IL18BP: variants seen among roughly 807,000 people sequenced by gnomAD.
IL18BP encodes the protein interleukin 18 binding protein, also known as interleukin-18-binding protein.
IL18BP carries 23 observed loss-of-function variants against 19.9 expected under a neutral mutation model. The observed-to-expected ratio is 1.15, with a 90% CI of 0.83 to 1.64. The LOEUF (loss-of-function observed/expected upper bound fraction) is 1.64. Among genes scored for constraint, IL18BP ranks in the 40% most tolerant of loss-of-function variants. The pLI is 0.00. For missense variants in IL18BP, 239 were observed against 240.7 expected (o/e 0.99, Z 0.05); for synonymous variants, 107 against 101.0 (o/e 1.06, Z -0.35).
downstream of IL18BP, chr11:72,007,045 C>A (rs986057431): frequency 3.1e-6 from 3 of 954,000 alleles, no homozygotes; most frequent in Non-Finnish European, 4.6e-6. Flanking sequence ...AAGTCACTGC[C>A]CTTTTTAAGA....
At chr11:72,008,177 A>G (rs1253939394), downstream of IL18BP, 1 of 472,904 alleles carries the variant, frequency 2.1e-6, no homozygotes, top group Non-Finnish European at 4.2e-6. Flanking sequence ...TAAGTGTTTA[A>G]TAAAAACATT....
downstream of IL18BP, chr11:72,004,059 G>T: frequency 6.2e-7 from 1 of 1,613,610 alleles, no homozygotes; most frequent in Non-Finnish European, 8.5e-7. Flanking sequence ...CTTCTTGGGT[G>T]TGTTGAGGAT....
In IL18BP at chr11:72,001,398, G is replaced by A. The variant is rs755392275; in HGVS notation, c.360-7G>A. On this transcript the variant is annotated splice_region_variant and splice_polypyrimidine_tract_variant and intron_variant, in intron 4 of 5. Transcript: ENST00000393703. Reference sequence around the variant, plus strand: ...TTCTCATGACCTTTCCTTCCCTTCCGCTCCAGCCGGGAACGTGGGAGCACA... The same window carrying A: ...TTCTCATGACCTTTCCTTCCCTTCCACTCCAGCCGGGAACGTGGGAGCACA... The A allele has an allele frequency of 6.2e-6, 10 of 1,613,976 alleles. No homozygotes were observed. Among genetic ancestry groups the A allele is most frequent in the South Asian group, 2.2e-5 (2 of 91,086 alleles).
At chr11:72,005,217 T>A (rs555257995), downstream of IL18BP, 1 of 1,574,518 alleles carries the variant, frequency 6.4e-7, no homozygotes, top group Non-Finnish European at 8.6e-7. Flanking sequence ...CCCTGCACAG[T>A]GACCCCAGGC....
rs2134239446 is a variant in IL18BP at position 71,999,817 on chromosome 11, G to A, written c.-58-110G>A. The A allele has an allele frequency of 1.2e-5, 8 of 640,508 alleles. 1 individual carries two copies. The South Asian group carries it at 1.5e-4, about 12-fold the overall frequency. 39.7% of individuals were successfully genotyped at this position (640,508 alleles called of 1,614,324 possible). The stretch of plus-strand genomic sequence containing the variant: ...CCCCCCAGCTCTGTTTCTAAGTGCT[G>A]AAAGAGCTCCAGGCTATGCTACGGG... On this transcript the variant is annotated intron_variant, in intron 1 of 5. Transcript: ENST00000393703.
In IL18BP at chr11:72,000,341, C is replaced by G. The variant is rs374716408; in HGVS notation, c.29-10C>G. On this transcript the variant is annotated splice_polypyrimidine_tract_variant and intron_variant, in intron 2 of 5. Coordinates refer to ENST00000393703, the MANE Select transcript of IL18BP (RefSeq NM_001039660.2). ...CCAGAGCCGCTGACCTGTAACTGTC[C>G]TTTCCTCAGACCTCAGCCCTTTGTG... 6.2e-7 allele frequency: 1 copy of G among 1,612,820 alleles called. No homozygotes were observed. The highest frequency in any genetic ancestry group is 1.7e-5 in the Admixed American group (1 of 60,032).
rs762624625 is a variant in IL18BP, at chr11:72,001,534, C to T, written c.489C>T (p.Val163=). The T allele has an allele frequency of 2.9e-5, 46 of 1,612,884 alleles. No homozygotes were observed. The highest frequency in any genetic ancestry group is 1.7e-4 in the Middle Eastern group (1 of 6,058). Residue 163 remains valine (V), a synonymous_variant, in exon 5 of 6, where the codon GTC becomes GTT. Coordinates refer to ENST00000393703, the MANE Select transcript of IL18BP (RefSeq NM_001039660.2). The part of the protein sequence containing the change: ...VDPEQVVQRH[V]VLAQLWAGLR... ...CTGAACAGGTTGTCCAGCGTCACGT[C>T]GTCCTGGCCCAGCTCTGGGTGAGGA...
chr11:72,008,018 C>A, downstream of IL18BP: 1 of 443,694 alleles, frequency 2.3e-6, no homozygotes, highest in Non-Finnish European at 4.5e-6. Context: ...AGCTCTACCA[C>A]TGGGGAACCT....
chr11:72,004,371 G>T, downstream of IL18BP: 3 of 1,581,634 alleles, frequency 1.9e-6, no homozygotes, highest in African/African-American at 2.7e-5. Context: ...TAGGCAGACA[G>T]TAGCAAGAGG....
At chr11:72,005,320 C>T (rs1955614322), downstream of IL18BP, 2 of 1,608,130 alleles carry the variant, frequency 1.2e-6, no homozygotes, top group African/African-American at 1.3e-5. Flanking sequence ...TCCAGTCATC[C>T]AGCTGCTCAG....
chr11:72,003,813 T>C, downstream of IL18BP: 1 of 1,498,534 alleles, frequency 6.7e-7, no homozygotes, highest in African/African-American at 1.4e-5. Flanking sequence ...TCTTGGATGC[T>C]ACTTGGTGGG....
downstream of IL18BP, chr11:72,004,442 G>A (rs188355473): frequency 1.9e-4 from 238 of 1,247,384 alleles, 3 homozygotes; most frequent in Middle Eastern, 2.5e-3. Context: ...GTAAGTCAAC[G>A]TGCAACCTGC....
downstream of IL18BP, chr11:72,005,717 G>T: frequency 4.0e-6 from 2 of 498,174 alleles, no homozygotes; most frequent in East Asian, 7.4e-5. Flanking sequence ...GAGCTTCCAA[G>T]AAGAGTCTGG....
At chr11:71,999,179 G>C (rs766424512) in intron 1 of IL18BP, 160 bp downstream of exon 1, 17 of 515,842 alleles carry the variant, frequency 3.3e-5, no homozygotes, top group South Asian at 2.2e-4. Context: ...GGATGTGGAC[G>C]GACTGGTATG....
At chr11:71,999,410 G>A (rs936262153) in intron 1 of IL18BP, 4 of 245,414 alleles carry the variant, frequency 1.6e-5, no homozygotes, top group Non-Finnish European at 2.5e-5. Context: ...GTGACCCTGG[G>A]GGTGGCATGG....
chr11:72,007,221 T>C (rs1955787330), downstream of IL18BP: 1 of 1,611,876 alleles, frequency 6.2e-7, no homozygotes, highest in African/African-American at 1.3e-5. Context: ...ATCTGCGTGG[T>C]GCGCCGACGA....
Position 72,001,255 on chromosome 11 carries a change from T to G in IL18BP, c.290T>G (p.Ile97Ser), listed in dbSNP as rs1463130616. The change falls in exon 4 of 6, where the codon ATC becomes AGC. Residue 97 changes from isoleucine (I) to serine (S), a missense_variant. Transcript: ENST00000393703. ...TGCAGCCGCTTCCCCAACTTCAGCA[T>G]CCTCTACTGGCTGGGCAATGGTTCC... ...VACSRFPNFS[I>S]LYWLGNGSFI... is the part of the protein sequence containing the mutation. The G allele has an allele frequency of 6.2e-7, 1 of 1,614,062 alleles. No homozygotes were observed. The highest frequency in any genetic ancestry group is 1.3e-5 in the African/African-American group (1 of 74,922).
Position 72,001,304 on chromosome 11 carries a change from AC to A in IL18BP, c.340del (p.Leu114CysfsTer26). ...CCTTCATTGAGCACCTCCCAGGCCGACTGTGGGAGGGGAGCACCAGGTGAGG... is the reference window on the plus strand; with the variant it reads ...CCTTCATTGAGCACCTCCCAGGCCGATGTGGGAGGGGAGCACCAGGTGAGG... Reference protein sequence around the residue: ...GSFIEHLPGRLWEGSTSRERG... With the variant: ...GSFIEHLPGRXWEGSTSRERG... On this transcript the variant is annotated frameshift_variant, in exon 4 of 6. Transcript: ENST00000393703. LOFTEE classifies it high-confidence loss of function. 6 of 1,614,182 alleles carry A rather than the reference AC, an allele frequency of 3.7e-6. No individual in the cohort carries two copies. The highest frequency in any genetic ancestry group is 5.1e-6 in the Non-Finnish European group (6 of 1,180,024).
At chr11:72,003,798 C>T, downstream of IL18BP, 2 of 1,379,824 alleles carry the variant, frequency 1.4e-6, no homozygotes, top group Non-Finnish European at 2.0e-6. Flanking sequence ...CCTGGCGTGG[C>T]CCCATCTTGG....
Sources: gnomAD v4.1 joint callset for allele counts on GRCh38, gnomAD v4.1.1 for gene constraint, MANE v1.5 for transcripts, NCBI Gene and HGNC (gene_info 2026-07-23, HGNC 2026-07-21) for gene names.